The following PPP1R9A variants were observed in gnomAD, a reference collection of about 807,000 sequenced individuals.
The protein encoded by PPP1R9A is protein phosphatase 1 regulatory subunit 9A.
PPP1R9A carries 59 observed loss-of-function variants against 141.9 expected under a neutral mutation model. That is an observed-to-expected ratio of 0.42 (90% CI 0.34 to 0.52). The LOEUF is 0.52. Among genes scored for constraint, PPP1R9A ranks in the 20% least tolerant of loss-of-function variants. PPP1R9A has a pLI of 0.10. For synonymous variants in PPP1R9A, 500 were observed against 569.7 expected (o/e 0.88, Z 1.74); for missense variants, 1,444 against 1,611.9 (o/e 0.90, Z 1.78).
chr7:95,154,403 T>A lies in PPP1R9A; in HGVS notation c.1650-7464T>A, dbSNP rs142716443. 3.0e-3 allele frequency among the ~76,000 whole-genome samples: 457 copies of A among 152,242 alleles called. 2 individuals are homozygous for A. Among genetic ancestry groups the A allele is most frequent in the Admixed American group, 9.7e-3 (149 of 15,296 alleles). On this transcript the variant is annotated intron_variant, in intron 4 of 19. Transcript: ENST00000433360. ...AGATAGTTGATGTGATTTCATTTTT[T>A]AAAAATTTGTTGAGGCTTGTCTTGT...
chr7:95,151,992 A>G (rs1230049316), intron 4 of PPP1R9A, among the ~76,000 whole-genome samples: 1 of 110,172 alleles, frequency 9.1e-6, no homozygotes, highest in African/African-American at 3.7e-5. Flanking sequence ...TCACTCTGTC[A>G]CCAGGCTAGA....
intron 2 of PPP1R9A, among the ~76,000 whole-genome samples, chr7:95,055,631 A>G (rs769422113): frequency 6.6e-6 from 1 of 152,180 alleles, no homozygotes; most frequent in African/African-American, 2.4e-5. Flanking sequence ...GATAATATCC[A>G]TATTTTTAAG....
chr7:95,172,555 T>C (rs899208779), intron 5 of PPP1R9A, among the ~76,000 whole-genome samples: 4 of 151,784 alleles, frequency 2.6e-5, no homozygotes, highest in African/African-American at 9.7e-5. Context: ...AAATATTAAA[T>C]ACTTAAAGGT....
chr7:94,914,894 C>T (rs866801369), intron 2 of PPP1R9A, among the ~76,000 whole-genome samples: 8 of 152,282 alleles, frequency 5.3e-5, no homozygotes, highest in Middle Eastern at 3.4e-3. Context: ...AGGAAGCTCT[C>T]AGGCTGTTCC....
At chr7:95,172,148 C>T (rs1012375320) in intron 5 of PPP1R9A, among the ~76,000 whole-genome samples, 1 of 151,566 alleles carries the variant, frequency 6.6e-6, no homozygotes, top group East Asian at 1.9e-4. Flanking sequence ...TAATAACATT[C>T]TTAATGGTGA....
chr7:95,269,833 G>C (rs1388897956), intron 14 of PPP1R9A, among the ~76,000 whole-genome samples: 1 of 151,950 alleles, frequency 6.6e-6, no homozygotes, highest in African/African-American at 2.4e-5. Context: ...TAGTCATATA[G>C]AAAAATATAG....
chr7:94,943,935 A>T (rs552642571), intron 2 of PPP1R9A, among the ~76,000 whole-genome samples: 2 of 152,224 alleles, frequency 1.3e-5, no homozygotes, highest in Non-Finnish European at 2.9e-5. Flanking sequence ...CTAATTACTG[A>T]GTTTGTTATT....
Position 95,226,009 on chromosome 7 carries a change from C to G in PPP1R9A, c.2005C>G (p.Leu669Val), listed in dbSNP as rs763655938. 3.7e-6 allele frequency: 6 copies of G among 1,613,480 alleles called. No homozygotes were observed. The highest frequency in any genetic ancestry group is 5.1e-6 in the Non-Finnish European group (6 of 1,179,608). Residue 669 changes from leucine to valine, a missense_variant, in exon 8 of 20, where the codon CTT becomes GTT. By Grantham distance (32) the Leu-to-Val change is conservative (BLOSUM62 1). Around this residue, in one of 5 missense-constraint regions of PPP1R9A, gnomAD observed 488 missense variants for 542.0 expected, o/e 0.90. Transcript: ENST00000433360. ...DEEEDEVGPV[L>V]PGSDMAIEVF... ...AGAAGAAGATGAGGTAGGACCTGTC[C>G]TTCCTGGCAGCGACATGGCCATTGA...
chr7:95,078,090 A>G (rs1348339213), intron 2 of PPP1R9A, among the ~76,000 whole-genome samples: 10 of 147,986 alleles, frequency 6.8e-5, no homozygotes. Flanking sequence ...TTAACTCATC[A>G]TTTAGCATTA....
chr7:95,258,818 C>T (rs938850196), intron 12 of PPP1R9A, among the ~76,000 whole-genome samples: 7 of 152,052 alleles, frequency 4.6e-5, no homozygotes, highest in African/African-American at 1.7e-4. Flanking sequence ...AATGTGATAG[C>T]CAGCACATGG....
At chr7:95,222,876 C>T (rs1489681469) in intron 7 of PPP1R9A, among the ~76,000 whole-genome samples, 4 of 151,804 alleles carry the variant, frequency 2.6e-5, no homozygotes, top group African/African-American at 9.7e-5. Flanking sequence ...TGCAGTGTAA[C>T]CACAAAAATA....
chr7:94,907,586 G>C (rs914521296), upstream of PPP1R9A: 2 of 152,120 alleles, frequency 1.3e-5, no homozygotes, highest in Non-Finnish European at 2.9e-5. Flanking sequence ...GCCTCGCCTC[G>C]GGCCGGTGCT....
chr7:94,910,336 A>G lies in PPP1R9A; in HGVS notation c.223A>G (p.Met75Val). The change falls in exon 2 of 20, where the codon ATG (methionine) becomes GTG (valine). Residue 75 changes from methionine to valine, a missense_variant. Physicochemically the swap from Met to Val is conservative, Grantham distance 21. Coordinates refer to ENST00000433360, the MANE Select transcript of PPP1R9A (RefSeq NM_001166160.2). The surrounding 1 kb of genome is among the most constrained non-coding windows in gnomAD (Gnocchi z 4.5). Reference sequence around the variant, plus strand: ...TAAAAACCTATTTATGCAGATGGGTATGGAACCCAACGAGAATGCTGCAGT... The same window carrying G: ...TAAAAACCTATTTATGCAGATGGGTGTGGAACCCAACGAGAATGCTGCAGT... ...RIKNLFMQMG[M>V]EPNENAAVIA... The G allele has an allele frequency of 1.2e-6, 2 of 1,614,140 alleles. No individual in the cohort carries two copies. The highest frequency in any genetic ancestry group is 1.7e-6 in the Non-Finnish European group (2 of 1,179,996).
intron 2 of PPP1R9A, among the ~76,000 whole-genome samples, chr7:94,928,952 T>C (rs2150805251): frequency 6.6e-6 from 1 of 152,304 alleles, no homozygotes; most frequent in South Asian, 2.1e-4. Context: ...CAATGAATTA[T>C]GCAGGAAAGA....
chr7:94,944,015 C>A (rs1795615265), intron 2 of PPP1R9A, among the ~76,000 whole-genome samples: 1 of 151,930 alleles, frequency 6.6e-6, no homozygotes, highest in African/African-American at 2.4e-5. Flanking sequence ...AAGTCCATTT[C>A]TTTTTTAAAA....
Position 95,143,693 on chromosome 7 carries a change from G to A in PPP1R9A, c.1650-18174G>A, listed in dbSNP as rs972037917. Among the ~76,000 whole-genome samples, 10 of 152,150 alleles carry A rather than the reference G, an allele frequency of 6.6e-5. No homozygotes were observed. In the South Asian group the frequency reaches 2.1e-3, roughly 32 times the overall value. ...AGAAAGGAATCTTGGCTTAGTAGGA[G>A]GCTAAGAGCTAATACATTATTACCT... On this transcript the variant is annotated intron_variant, in intron 4 of 19. Coordinates refer to ENST00000433360, the MANE Select transcript of PPP1R9A (RefSeq NM_001166160.2).
intron 4 of PPP1R9A, among the ~76,000 whole-genome samples, chr7:95,121,508 T>C (rs1822603213): frequency 6.7e-6 from 1 of 150,352 alleles, no homozygotes; most frequent in African/African-American, 2.5e-5. Context: ...TATCTATCTA[T>C]CTTAGGCGAA....
chr7:95,266,268 C>G (rs1265777364), intron 12 of PPP1R9A, among the ~76,000 whole-genome samples: 4 of 152,000 alleles, frequency 2.6e-5, no homozygotes, highest in Non-Finnish European at 5.9e-5. Flanking sequence ...ATTAAACCAA[C>G]CAGACCAAAA....
chr7:95,081,038 A>G (rs1815742436), intron 2 of PPP1R9A, among the ~76,000 whole-genome samples: 1 of 152,200 alleles, frequency 6.6e-6, no homozygotes, highest in Non-Finnish European at 1.5e-5. Context: ...TCAAAGACAA[A>G]GAATAAGACT....
Sources: gnomAD v4.1 joint callset for allele counts (sites outside exome capture counted in the v4.1 genomes callset) on GRCh38, gnomAD v4.1.1 for gene constraint, gnomAD v4.1.1 regional missense constraint, Gnocchi (gnomAD v3.1) non-coding constraint, MANE v1.5 for transcripts, NCBI Gene and HGNC (gene_info 2026-07-23, HGNC 2026-07-21) for gene names.